The following PDE11A variants were observed in gnomAD, a reference collection of about 807,000 sequenced individuals.
PDE11A encodes the protein phosphodiesterase 11A.
PDE11A carries 100 observed loss-of-function variants against 100.5 expected under a neutral mutation model. That is an observed-to-expected ratio of 1.00 (90% CI 0.85 to 1.18). The LOEUF is 1.18. Among genes scored for constraint, PDE11A ranks in the 50% most tolerant of loss-of-function variants. The pLI, the probability that PDE11A is intolerant of heterozygous loss-of-function variation, is 0.00. For missense variants in PDE11A, 1,141 were observed against 1,152.6 expected, an observed-to-expected ratio of 0.99 and a Z score of 0.15; for synonymous variants, 381 against 420.8, an observed-to-expected ratio of 0.91 and a Z score of 1.16.
intron 2 of PDE11A, among the ~76,000 whole-genome samples, chr2:177,973,326 G>A (rs1425432411): frequency 8.2e-5 from 8 of 97,604 alleles, no homozygotes; most frequent in Non-Finnish European, 1.2e-4. Context: ...AAGGGGTGAC[G>A]GACGCACCTG....
intron 2 of PDE11A, among the ~76,000 whole-genome samples, chr2:178,001,239 A>C (rs1236971299): frequency 6.6e-6 from 1 of 151,282 alleles, no homozygotes; most frequent in Non-Finnish European, 1.5e-5. Flanking sequence ...TGATGTCTAT[A>C]ATTTGCTTTA....
At chr2:177,953,834 T>C (rs1026564592) in intron 2 of PDE11A, among the ~76,000 whole-genome samples, 1 of 152,118 alleles carries the variant, frequency 6.6e-6, no homozygotes, top group Non-Finnish European at 1.5e-5. Flanking sequence ...AGAAGATAAG[T>C]GCCCAGATTG....
chr2:178,012,599 A>T (rs2086285528), intron 2 of PDE11A, among the ~76,000 whole-genome samples: 2 of 152,156 alleles, frequency 1.3e-5, no homozygotes, highest in African/African-American at 4.8e-5. Flanking sequence ...CTAAACATTG[A>T]TGCTATTCAA....
chr2:177,773,076 A>G (rs764277680), intron 9 of PDE11A, among the ~76,000 whole-genome samples: 1 of 152,028 alleles, frequency 6.6e-6, no homozygotes, highest in Non-Finnish European at 1.5e-5. Context: ...GCTGGAGTAC[A>G]GTGGCATGAT....
chr2:177,712,433 C>G (rs775073909), intron 12 of PDE11A, among the ~76,000 whole-genome samples: 4 of 151,198 alleles, frequency 2.6e-5, no homozygotes, highest in Non-Finnish European at 5.9e-5. Flanking sequence ...TTGTAAATAC[C>G]CTAATTCATA....
At chr2:178,016,219 G>A (rs997521173) in intron 1 of PDE11A, among the ~76,000 whole-genome samples, 3 of 147,754 alleles carry the variant, frequency 2.0e-5, no homozygotes, top group Non-Finnish European at 4.4e-5. Flanking sequence ...CTGACCGCAG[G>A]TGATCCACTC....
At chr2:177,946,656 C>T (rs1337945471) in intron 2 of PDE11A, among the ~76,000 whole-genome samples, 1 of 105,764 alleles carries the variant, frequency 9.5e-6, no homozygotes. Context: ...GCCCCCCGCC[C>T]GGCCAGCCGC....
chr2:177,673,659 G>C (rs2080721092), intron 17 of PDE11A, among the ~76,000 whole-genome samples: 2 of 152,162 alleles, frequency 1.3e-5, no homozygotes, highest in African/African-American at 4.8e-5. Flanking sequence ...GGGACATTTG[G>C]GTTGTCTTTC....
At chr2:178,022,045 T>C (rs985603806) in intron 1 of PDE11A, among the ~76,000 whole-genome samples, 1 of 151,666 alleles carries the variant, frequency 6.6e-6, no homozygotes, top group Admixed American at 6.6e-5. Flanking sequence ...AGAAGGTGAG[T>C]GGGAGTGATA....
At chr2:177,968,350 C>T (rs961576917) in intron 2 of PDE11A, among the ~76,000 whole-genome samples, 2 of 152,174 alleles carry the variant, frequency 1.3e-5, no homozygotes, top group Admixed American at 6.5e-5. Flanking sequence ...GCAAACCCAG[C>T]TAAAAAGACA....
At chr2:177,838,983 A>G (rs1478120200) in intron 6 of PDE11A, among the ~76,000 whole-genome samples, 1 of 152,222 alleles carries the variant, frequency 6.6e-6, no homozygotes, top group Non-Finnish European at 1.5e-5. Flanking sequence ...CTAGGACTTC[A>G]TTTAAGGATT....
At position 177,828,881 on chromosome 2, in the gene PDE11A, T is replaced by C. The variant is rs1181772718; in HGVS notation, c.1501-8586A>G. Among the ~76,000 whole-genome samples the C allele has an allele frequency of 1.3e-5, 2 of 152,154 alleles. 1 individual carries two copies. The highest frequency in any genetic ancestry group is 2.9e-5 in the Non-Finnish European group (2 of 68,020). ...AGAGTGTGTGAGCAGAGTTGTAACA[T>C]AACTTAAAATTTAATAGCCTCTGAC... On this transcript the variant is annotated intron_variant, in intron 6 of 19. Coordinates refer to ENST00000286063, the MANE Select transcript of PDE11A (RefSeq NM_016953.4).
intron 2 of PDE11A, among the ~76,000 whole-genome samples, chr2:177,964,566 C>T (rs895310309): frequency 1.3e-5 from 2 of 152,064 alleles, no homozygotes; most frequent in Admixed American, 1.3e-4. Flanking sequence ...TAGGCTCTAG[C>T]GTCTATTGTT....
chr2:178,072,020 G>T lies in PDE11A; in HGVS notation c.418C>A (p.Gln140Lys), dbSNP rs1468919919. 2 of 1,613,970 alleles carry T rather than the reference G, an allele frequency of 1.2e-6. No individual in the cohort carries two copies. Residue 140 changes from glutamine (Q) to lysine (K), a missense_variant, in exon 1 of 20, where the codon CAG becomes AAG. Transcript: ENST00000286063. Reference protein sequence around the residue: ...AIHVNRTYDEQVTSRAQEPLS... With the variant: ...AIHVNRTYDEKVTSRAQEPLS... ...GGTTCCTGAGCCCGGGAGGTCACCT[G>T]TTCATCGTAGGTCCTGTTCACGTGG...
At chr2:177,962,146 G>A (rs545616362) in intron 2 of PDE11A, among the ~76,000 whole-genome samples, 9 of 147,010 alleles carry the variant, frequency 6.1e-5, no homozygotes, top group Admixed American at 5.5e-4. Flanking sequence ...GCTACTTTAT[G>A]TTGTCATCTC....
At chr2:177,682,485 G>A (rs1371206030) in intron 15 of PDE11A, among the ~76,000 whole-genome samples, 1 of 152,180 alleles carries the variant, frequency 6.6e-6, no homozygotes, top group Non-Finnish European at 1.5e-5. Context: ...TACACCCATG[G>A]AAATCCATTT....
chr2:177,813,481 T>C (rs1574168536), intron 9 of PDE11A, among the ~76,000 whole-genome samples: 3 of 152,172 alleles, frequency 2.0e-5, no homozygotes, highest in Admixed American at 2.0e-4. Flanking sequence ...TTTTTTTAAG[T>C]GTACTTCCAG....
intron 6 of PDE11A, among the ~76,000 whole-genome samples, chr2:177,830,515 T>C (rs1226129959): frequency 6.6e-6 from 1 of 151,414 alleles, no homozygotes; most frequent in Non-Finnish European, 1.5e-5. Flanking sequence ...GCAGGAGAAT[T>C]GCTTGAACCC....
chr2:178,040,516 T>C (rs888691852), intron 1 of PDE11A, among the ~76,000 whole-genome samples: 22 of 152,252 alleles, frequency 1.4e-4, no homozygotes, highest in African/African-American at 5.1e-4. Context: ...CTGAAGCTCT[T>C]GTCCTTTCCG....
Sources: allele counts gnomAD v4.1 joint callset (sites outside exome capture counted in the v4.1 genomes callset), GRCh38; gene constraint gnomAD v4.1.1; transcripts MANE v1.5; gene names NCBI Gene and HGNC (gene_info 2026-07-23, HGNC 2026-07-21).